PKD1L1: variants seen among roughly 807,000 people sequenced by gnomAD.
The protein encoded by PKD1L1 is polycystin-1-like protein 1.
In PKD1L1, 236 loss-of-function variants were observed where a neutral mutation model predicts 323.4. The ratio of observed to expected loss-of-function variants is 0.73; its 90% CI spans 0.66 to 0.81. The LOEUF is 0.81. PKD1L1 is among the 40% of genes least tolerant of loss of function. The pLI is 0.00. For synonymous variants in PKD1L1, 1,344 were observed against 1,335.0 expected (o/e 1.01, Z -0.15); for missense variants, 3,320 against 3,508.0 (o/e 0.95, Z 1.35).
chr7:47,951,384 T>TG (rs1308382930), upstream of PKD1L1, among the ~76,000 whole-genome samples: 3 of 152,238 alleles, frequency 2.0e-5, no homozygotes, highest in Non-Finnish European at 4.4e-5. Context: ...AATTTGTTTT[T>TG]AAGCCACATT....
intron 13 of PKD1L1, among the ~76,000 whole-genome samples, chr7:47,899,832 T>G (rs1787043766): frequency 6.6e-6 from 1 of 151,888 alleles, no homozygotes; most frequent in South Asian, 2.1e-4. Context: ...GGCGGACGCC[T>G]GTAGTCCCAG....
rs1241573749 is a variant in PKD1L1, at chr7:47,839,064, C to G, written c.5769+382G>C. On this transcript the variant is annotated intron_variant, in intron 36 of 56. Transcript: ENST00000289672. The surrounding 1 kb of genome is among the most constrained non-coding windows in gnomAD (Gnocchi z 4.3). ...TATCTCCTGCCATCCTGGACCTGAC[C>G]ACATCTATACCACATCTGTAATTAC... 6.6e-6 allele frequency among the ~76,000 whole-genome samples: 1 copy of G among 151,968 alleles called. No homozygotes were observed. The highest frequency in any genetic ancestry group is 1.9e-4 in the East Asian group (1 of 5,182).
intron 56 of PKD1L1, among the ~76,000 whole-genome samples, chr7:47,775,574 A>G (rs1786548819): frequency 6.6e-6 from 1 of 152,330 alleles, no homozygotes; most frequent in African/African-American, 2.4e-5. Context: ...ATTAGAAAGT[A>G]TTTTTATCTC....
intron 39 of PKD1L1, 110 bp downstream of exon 39, chr7:47,834,857 A>G: frequency 1.1e-6 from 1 of 888,278 alleles, no homozygotes; most frequent in Non-Finnish European, 1.7e-6. Flanking sequence ...AATGTTACTC[A>G]TAATAAACAT....
intron 31 of PKD1L1, among the ~76,000 whole-genome samples, chr7:47,850,390 G>C (rs1384840141): frequency 6.6e-6 from 1 of 152,130 alleles, no homozygotes; most frequent in African/African-American, 2.4e-5. Context: ...CCAGCACTTT[G>C]GGACGCCAAG....
Position 47,829,412 on chromosome 7 carries a change from T to A in PKD1L1, c.6735+13A>T. 1 of 1,585,406 alleles carries A rather than the reference T, an allele frequency of 6.3e-7. No homozygotes were observed. Among genetic ancestry groups the A allele is most frequent in the Non-Finnish European group, 8.6e-7 (1 of 1,167,726 alleles). ...TAAATCTCAATTTGCACTGCATAGG[T>A]AATTTTTTTTACTTTTTCAACCTCG... is the stretch of plus-strand genomic sequence containing the variant. On this transcript the variant is annotated intron_variant, in intron 44 of 56. Transcript: ENST00000289672.
intron 21 of PKD1L1, among the ~76,000 whole-genome samples, chr7:47,878,806 G>A (rs1263826736): frequency 6.6e-6 from 1 of 152,212 alleles, no homozygotes; most frequent in South Asian, 2.1e-4. Flanking sequence ...AGGGAGGGCA[G>A]CAGTCAGCGA....
At chr7:47,857,930 C>T in intron 27 of PKD1L1, 98 bp from the exon 28 acceptor site, 1 of 1,187,880 alleles carries the variant, frequency 8.4e-7, no homozygotes, top group Non-Finnish European at 1.2e-6. Context: ...GTTAAAAAGC[C>T]CATCTCAAGT....
chr7:47,803,101 G>A, intron 53 of PKD1L1, 109 bp downstream of exon 53: 1 of 1,350,436 alleles, frequency 7.4e-7, no homozygotes, highest in East Asian at 2.3e-5. Context: ...TGGAATTCTA[G>A]ACGGTGTTTA....
At chr7:47,828,855 G>GT (rs1785287316) in intron 44 of PKD1L1, among the ~76,000 whole-genome samples, 1 of 152,180 alleles carries the variant, frequency 6.6e-6, no homozygotes, top group Non-Finnish European at 1.5e-5. Context: ...GTCCTTGGTC[G>GT]TAAGTGACTT....
chr7:47,873,154 C>T (rs770656666), intron 24 of PKD1L1, among the ~76,000 whole-genome samples: 16 of 151,856 alleles, frequency 1.1e-4, no homozygotes, highest in Non-Finnish European at 2.2e-4. Flanking sequence ...TGTCCGGGGC[C>T]GGTGGGAGGA....
chr7:47,897,005 A>C (rs2128749767), intron 14 of PKD1L1, among the ~76,000 whole-genome samples: 1 of 152,328 alleles, frequency 6.6e-6, no homozygotes, highest in South Asian at 2.1e-4. Context: ...TACAACCTGC[A>C]TCTGAAGTAA....
chr7:47,787,365 G>A (rs1786831801), intron 56 of PKD1L1, among the ~76,000 whole-genome samples: 1 of 152,146 alleles, frequency 6.6e-6, no homozygotes, highest in Admixed American at 6.5e-5. Context: ...AGAAAGCGTT[G>A]TGTTTTCCTG....
chr7:47,954,781 G>A, the PKD1L1 span, among the ~76,000 whole-genome samples: 2 of 152,198 alleles, frequency 1.3e-5, no homozygotes, highest in Non-Finnish European at 2.9e-5. Context: ...TTTAGTCACT[G>A]TTAGAGAAAC....
At chr7:47,897,777 C>G (rs1786988989) in intron 14 of PKD1L1, among the ~76,000 whole-genome samples, 1 of 152,172 alleles carries the variant, frequency 6.6e-6, no homozygotes, top group African/African-American at 2.4e-5. Flanking sequence ...AGCTTTTCAT[C>G]AATTGCTTTG....
At chr7:47,904,273 T>C (rs952941026) in intron 12 of PKD1L1, 105 bp downstream of exon 12, 18 of 1,477,474 alleles carry the variant, frequency 1.2e-5, no homozygotes, top group Admixed American at 1.8e-5. Flanking sequence ...GTCACCTACG[T>C]TGACTGACAG....
At chr7:47,929,574 G>A in intron 6 of PKD1L1, 48 bp from the exon 7 acceptor site, 1 of 1,512,360 alleles carries the variant, frequency 6.6e-7, no homozygotes, top group Non-Finnish European at 9.0e-7. Context: ...GTGGACCACT[G>A]GGGTGGGAGG....
chr7:47,930,225 T>C (rs530968047), intron 6 of PKD1L1, among the ~76,000 whole-genome samples: 1 of 152,220 alleles, frequency 6.6e-6, no homozygotes, highest in South Asian at 2.1e-4. Context: ...CCCATGTTTT[T>C]TTTTTTTTCC....
At chr7:47,865,114 GTGTCAAACTA>G (rs1786134441) in intron 26 of PKD1L1, 92 bp downstream of exon 26, 7 of 787,612 alleles carry the variant, frequency 8.9e-6, no homozygotes, top group Non-Finnish European at 1.5e-5. Flanking sequence ...TCTAATCTAA[GTGTCAAACTA>G]TGATTCTGGA....
Sources: gnomAD v4.1 joint callset for allele counts (sites outside exome capture counted in the v4.1 genomes callset) on GRCh38, gnomAD v4.1.1 for gene constraint, Gnocchi (gnomAD v3.1) non-coding constraint, MANE v1.5 for transcripts, NCBI Gene and HGNC (gene_info 2026-07-23, HGNC 2026-07-21) for gene names.